Variants in FCHO2 observed in about 807,000 individuals in gnomAD.
FCHO2 encodes the protein F-BAR domain only protein 2.
Under a neutral mutation model 114.1 loss-of-function variants are expected in FCHO2, and 43 were observed. That is an observed-to-expected ratio of 0.38 (90% confidence interval 0.30 to 0.49). The LOEUF (loss-of-function observed/expected upper bound fraction) is 0.49. Ranked by LOEUF, FCHO2 falls within the 20% of genes least tolerant of loss-of-function variation. The pLI is 0.97. For synonymous variants in FCHO2, 293 were observed against 315.2 expected (o/e 0.93, Z 0.75); for missense variants, 807 against 950.4 (o/e 0.85, Z 1.98).
At chr5:73,036,340 C>T (rs1561466971) in intron 9 of FCHO2, among the ~76,000 whole-genome samples, 4 of 151,864 alleles carry the variant, frequency 2.6e-5, no homozygotes, top group Non-Finnish European at 5.9e-5. Flanking sequence ...AAACTTACTT[C>T]TTTTTTGTTT....
chr5:72,968,482 T>G lies in FCHO2; in HGVS notation c.34-16T>G. ...ATCTGTTTTTTTATGAAACTAAAAATCTTTTTAAATTTTAGGGGGAAAAAA... is the reference window on the plus strand; with the variant it reads ...ATCTGTTTTTTTATGAAACTAAAAAGCTTTTTAAATTTTAGGGGGAAAAAA... On this transcript the variant is annotated splice_polypyrimidine_tract_variant and intron_variant, in intron 1 of 25. Transcript: ENST00000430046. 6.8e-7 allele frequency: 1 copy of G among 1,480,512 alleles called. No individual in the cohort carries two copies. Among genetic ancestry groups the G allele is most frequent in the Non-Finnish European group, 8.9e-7 (1 of 1,117,616 alleles). 91.7% of individuals were successfully genotyped at this position (1,480,512 alleles called of 1,614,324 possible).
intron 5 of FCHO2, among the ~76,000 whole-genome samples, chr5:73,000,533 T>C (rs978164887): frequency 6.7e-6 from 1 of 148,490 alleles, no homozygotes; most frequent in Non-Finnish European, 1.5e-5. Context: ...CCCAGCACTT[T>C]AGGAGGCCAA....
chr5:72,979,373 A>G (rs1431581620), intron 2 of FCHO2, among the ~76,000 whole-genome samples: 1 of 108,562 alleles, frequency 9.2e-6, no homozygotes, highest in East Asian at 2.9e-4. Flanking sequence ...GGAATTTATC[A>G]ATTTCTTTTT....
intron 8 of FCHO2, among the ~76,000 whole-genome samples, chr5:73,023,439 C>T (rs1031062971): frequency 8.5e-5 from 13 of 152,118 alleles, no homozygotes; most frequent in Admixed American, 3.9e-4. Context: ...TAGTGGCTCA[C>T]GCCTGTAATC....
intron 22 of FCHO2, among the ~76,000 whole-genome samples, chr5:73,078,987 T>TCTAA (rs1453339564): frequency 6.6e-6 from 1 of 152,248 alleles, no homozygotes; most frequent in African/African-American, 2.4e-5. Context: ...AGTTAACTTA[T>TCTAA]ACATCTAATA....
In FCHO2 at chr5:73,087,569, CT is replaced by C; in HGVS notation, c.2246-17del. The C allele has an allele frequency of 6.2e-7, 1 of 1,611,882 alleles. No homozygotes were observed. Among genetic ancestry groups the C allele is most frequent in the African/African-American group, 1.3e-5 (1 of 74,954 alleles). ...AAATGTATTTTACCCTGTGTAAGTG[CT>C]TTATTCTTTTCTTTGTAGGTTCTGG... On this transcript the variant is annotated intron_variant, in intron 24 of 25. Transcript: ENST00000430046.
At chr5:72,967,124 A>G (rs10447171) in intron 1 of FCHO2, among the ~76,000 whole-genome samples, 21,776 of 152,152 alleles carry the variant, frequency 0.14, 1,778 homozygotes, top group East Asian at 0.35. Context: ...TGTCTCTTCT[A>G]AAAATACAAA....
At chr5:73,070,558 G>A (rs1193023693) in intron 19 of FCHO2, among the ~76,000 whole-genome samples, 5 of 146,654 alleles carry the variant, frequency 3.4e-5, no homozygotes, top group Non-Finnish European at 6.0e-5. Flanking sequence ...CCTTATTTTC[G>A]CTTTAGGTTT....
intron 7 of FCHO2, 137 bp downstream of exon 7, chr5:73,015,861 A>T: frequency 2.3e-6 from 1 of 443,364 alleles, no homozygotes; most frequent in Non-Finnish European, 4.0e-6. Flanking sequence ...TGTAAAGATA[A>T]TATATTTACA....
chr5:72,975,948 T>G (rs895518461), intron 2 of FCHO2, among the ~76,000 whole-genome samples: 2 of 152,216 alleles, frequency 1.3e-5, no homozygotes, highest in East Asian at 3.8e-4. Flanking sequence ...GTGTGCAGGT[T>G]TTCGTGTGAA....
chr5:72,983,638 C>T (rs536605968), intron 2 of FCHO2, among the ~76,000 whole-genome samples: 13 of 150,796 alleles, frequency 8.6e-5, no homozygotes, highest in African/African-American at 3.2e-4. Context: ...ATCTGCCCAC[C>T]TCTGCATCCC....
At chr5:72,994,178 C>A (rs1291118505) in intron 5 of FCHO2, among the ~76,000 whole-genome samples, 1 of 152,096 alleles carries the variant, frequency 6.6e-6, no homozygotes, top group Non-Finnish European at 1.5e-5. Flanking sequence ...GCAAAAGAAA[C>A]TATCAAAAGA....
chr5:73,017,353 A>T (rs547212445), intron 8 of FCHO2, 45 bp downstream of exon 8: 1 of 1,243,886 alleles, frequency 8.0e-7, no homozygotes, highest in Non-Finnish European at 1.1e-6. Flanking sequence ...ATTTTCCCAT[A>T]TAGTAACTAA....
intron 6 of FCHO2, 98 bp from the exon 7 acceptor site, chr5:73,015,528 G>T (rs527342883): frequency 4.4e-6 from 3 of 686,206 alleles, no homozygotes; most frequent in South Asian, 4.2e-5. Context: ...CTCCCAAAGT[G>T]CTGGGAGAGA....
At chr5:72,981,346 A>G (rs961170629) in intron 2 of FCHO2, among the ~76,000 whole-genome samples, 2 of 152,136 alleles carry the variant, frequency 1.3e-5, no homozygotes, top group African/African-American at 4.8e-5. Context: ...TTTGTGGGTA[A>G]CCCGACCTTT....
intron 2 of FCHO2, among the ~76,000 whole-genome samples, chr5:72,985,367 G>A (rs961155393): frequency 1.3e-5 from 2 of 151,970 alleles, no homozygotes; most frequent in Non-Finnish European, 2.9e-5. Context: ...TCACCATGTT[G>A]GCCAGGCTGA....
chr5:73,007,002 CTTAA>C (rs1272995877), intron 6 of FCHO2, among the ~76,000 whole-genome samples: 1 of 152,146 alleles, frequency 6.6e-6, no homozygotes, highest in East Asian at 1.9e-4. Context: ...TTCTTAGAAC[CTTAA>C]TTAAAGGCCT....
At chr5:72,993,494 A>G (rs911785723) in intron 5 of FCHO2, among the ~76,000 whole-genome samples, 7 of 152,216 alleles carry the variant, frequency 4.6e-5, no homozygotes, top group African/African-American at 1.4e-4. Flanking sequence ...GAGCCCTCAT[A>G]TTGAAAGTAC....
At chr5:73,017,857 A>G (rs955459057) in intron 8 of FCHO2, among the ~76,000 whole-genome samples, 3 of 152,182 alleles carry the variant, frequency 2.0e-5, no homozygotes, top group African/African-American at 7.2e-5. Context: ...ACAAATGGAT[A>G]TAGGAATCCT....
Sources: gnomAD v4.1 joint callset for allele counts (sites outside exome capture counted in the v4.1 genomes callset) on GRCh38, gnomAD v4.1.1 for gene constraint, MANE v1.5 for transcripts, NCBI Gene and HGNC (gene_info 2026-07-23, HGNC 2026-07-21) for gene names.